The following RIIAD1 variants were observed in gnomAD, a reference collection of about 807,000 sequenced individuals.
RIIAD1 encodes regulatory subunit of type II PKA R-subunit domain containing 1.
A neutral mutation model predicts 13.3 loss-of-function variants in RIIAD1; 15 were observed. That is an observed-to-expected ratio of 1.13 (90% CI 0.76 to 1.74). RIIAD1 has a LOEUF of 1.74. RIIAD1 is among the 40% of genes most tolerant of loss of function. The probability of loss-of-function intolerance (pLI) is 0.00; values close to 1 mark genes in which losing one functional copy is unlikely to be tolerated. For synonymous variants in RIIAD1, 50 were observed against 43.3 expected, an observed-to-expected ratio of 1.16 and a Z score of -0.61; for missense variants, 121 against 112.2, an observed-to-expected ratio of 1.08 and a Z score of -0.35.
intron 4 of RIIAD1, among the ~76,000 whole-genome samples, chr1:151,715,345 T>C (rs1314006851): frequency 1.3e-5 from 2 of 152,028 alleles, no homozygotes; most frequent in African/African-American, 4.8e-5. Flanking sequence ...TCCCACACTT[T>C]CCAGATCTTT....
At chr1:151,721,460 C>T (rs1170490908), upstream of RIIAD1, 2 of 882,722 alleles carry the variant, frequency 2.3e-6, no homozygotes, top group Admixed American at 4.2e-5. Flanking sequence ...GCTGAAGGGG[C>T]CGGGCTTGGG....
upstream of RIIAD1, among the ~76,000 whole-genome samples, chr1:151,720,936 G>A (rs1003607070): frequency 1.4e-4 from 21 of 152,196 alleles, no homozygotes; most frequent in African/African-American, 4.8e-4. Flanking sequence ...GGAGCCCAGG[G>A]TGAAGAGAAA....
chr1:151,722,235 G>C, intron 2 of RIIAD1, 73 bp downstream of exon 2: 1 of 890,604 alleles, frequency 1.1e-6, no homozygotes, highest in Non-Finnish European at 1.8e-6. Context: ...GTTTCCTTCA[G>C]TTATCTCTAA....
chr1:151,726,082 C>T (rs1300967442), intron 2 of RIIAD1, among the ~76,000 whole-genome samples: 1 of 152,182 alleles, frequency 6.6e-6, no homozygotes, highest in African/African-American at 2.4e-5. Context: ...TGGGCCTTTG[C>T]TCTTGCTGTT....
rs186350161 is a variant in RIIAD1 at position 151,728,041 on chromosome 1, C to T, written c.208+420C>T. 2.8e-3 allele frequency among the ~76,000 whole-genome samples: 424 copies of T among 152,232 alleles called. 2 individuals are homozygous for T. The highest frequency in any genetic ancestry group is 0.014 in the Middle Eastern group (4 of 292). On this transcript the variant is annotated intron_variant, in intron 3 of 4. Coordinates refer to ENST00000479191, the MANE Select transcript of RIIAD1 (RefSeq NM_001144956.3). ...CCCAGCATACATAGCTTTAAAGACT[C>T]CCCAGGTGATTCTAATGGACTGGCT... is the stretch of plus-strand genomic sequence containing the variant.
intron 2 of RIIAD1, among the ~76,000 whole-genome samples, chr1:151,727,299 C>T (rs1028046004): frequency 2.6e-5 from 4 of 152,144 alleles, no homozygotes; most frequent in Non-Finnish European, 2.9e-5. Context: ...AGATTGTTGA[C>T]GGAATGACAA....
At chr1:151,715,875 C>T in intron 4 of RIIAD1, 1 of 1,612,804 alleles carries the variant, frequency 6.2e-7, no homozygotes, top group Non-Finnish European at 8.5e-7. Context: ...CGACCCCTCA[C>T]CCTTGTGCAG....
In RIIAD1 at chr1:151,724,976, A is replaced by AT. The variant is rs879286538; in HGVS notation, c.162-2586dup. On this transcript the variant is annotated intron_variant, in intron 2 of 4. Transcript: ENST00000479191. Reference sequence around the variant, plus strand: ...CACCACGCCCGGCTAATTATTTTGCATTTTTTTTTTTTTAGTAGAGACGGG... The same window carrying AT: ...CACCACGCCCGGCTAATTATTTTGCATTTTTTTTTTTTTTAGTAGAGACGGG... Among the ~76,000 whole-genome samples, 294 of 137,812 alleles carry AT rather than the reference A, an allele frequency of 2.1e-3. 2 individuals carry two copies. The highest frequency in any genetic ancestry group is 0.018 in the South Asian group (79 of 4,352). The allele number at this position is 137,812 out of a possible 152,430, so 90.4% of individuals were successfully genotyped here.
chr1:151,727,565 T>C lies in RIIAD1; in HGVS notation c.162-10T>C, dbSNP rs1673854504. 1.3e-6 allele frequency: 2 copies of C among 1,541,230 alleles called. No individual in the cohort carries two copies. Among genetic ancestry groups the C allele is most frequent in the Non-Finnish European group, 1.8e-6 (2 of 1,137,498 alleles). On this transcript the variant is annotated splice_polypyrimidine_tract_variant and intron_variant, in intron 2 of 4. Coordinates refer to ENST00000479191, the MANE Select transcript of RIIAD1 (RefSeq NM_001144956.3). ...CTTTACCTCCCATCCTATCCCTTAA[T>C]GTTTTCCAGAGAAATATTTTTGAAA...
intron 3 of RIIAD1, 25 bp from the exon 4 acceptor site, chr1:151,728,741 G>C (rs1169541490): frequency 7.2e-7 from 1 of 1,382,332 alleles, no homozygotes; most frequent in Non-Finnish European, 1.0e-6. Flanking sequence ...TATAGATGAT[G>C]TCTTCTTTTT....
intron 3 of RIIAD1, 111 bp downstream of exon 3, chr1:151,727,732 T>G: frequency 1.4e-6 from 1 of 734,320 alleles, no homozygotes; most frequent in Non-Finnish European, 2.4e-6. Context: ...GGGGTACTCC[T>G]TCACCTGATG....
upstream of RIIAD1, among the ~76,000 whole-genome samples, chr1:151,720,348 C>CA (rs1553274187): frequency 4.9e-3 from 9 of 1,846 alleles, no homozygotes; most frequent in Non-Finnish European, 6.9e-3. Flanking sequence ...TTGCTCCTGC[C>CA]GGGAAAAAAA....
chr1:151,719,676 C>T (rs1249494235), upstream of RIIAD1: 7 of 702,836 alleles, frequency 1.0e-5, no homozygotes, highest in Admixed American at 8.0e-5. Context: ...GTGGCTTCCA[C>T]CTCAAGTGGA....
At chr1:151,716,852 T>A (rs1048875148), upstream of RIIAD1, 4 of 440,148 alleles carry the variant, frequency 9.1e-6, no homozygotes, top group South Asian at 4.8e-5. Flanking sequence ...TCCCCTGACA[T>A]CAGTGATGTC....
intron 3 of RIIAD1, among the ~76,000 whole-genome samples, chr1:151,728,047 G>C (rs59527020): frequency 0.21 from 31,917 of 152,124 alleles, 3,569 homozygotes; most frequent in Middle Eastern, 0.31. Context: ...GACTCCCCAG[G>C]TGATTCTAAT....
Position 151,722,157 on chromosome 1 carries a change from C to T in RIIAD1, c.156C>T (p.Phe52=), listed in dbSNP as rs1419926148. The T allele has an allele frequency of 6.5e-7, 1 of 1,548,784 alleles. No individual in the cohort carries two copies. The change falls in exon 2 of 5, where the codon TTC becomes TTT. Residue 52 remains phenylalanine, a synonymous_variant. Transcript: ENST00000479191. The part of the protein sequence containing the change: ...HKEVEWLISG[F]FREIFLKRPD... Reference sequence around the variant, plus strand: ...AAGTAGAGTGGCTCATAAGTGGTTTCTTCAGGTAGGTGGTTTTCCAGGCTC... The same window carrying T: ...AAGTAGAGTGGCTCATAAGTGGTTTTTTCAGGTAGGTGGTTTTCCAGGCTC...
At chr1:151,715,586 C>T (rs1187406609) in intron 4 of RIIAD1, 1 of 1,402,804 alleles carries the variant, frequency 7.1e-7, no homozygotes, top group East Asian at 3.5e-5. Context: ...TCCCTCCATT[C>T]TTTCTTGAGT....
chr1:151,711,625 G>T (rs1464588744), intron 1 of RIIAD1, among the ~76,000 whole-genome samples: 1 of 152,228 alleles, frequency 6.6e-6, no homozygotes, highest in African/African-American at 2.4e-5. Context: ...AAAGCGTGTC[G>T]TGGGGGCAGA....
At chr1:151,724,439 C>T (rs1199387184) in intron 2 of RIIAD1, among the ~76,000 whole-genome samples, 1 of 152,234 alleles carries the variant, frequency 6.6e-6, no homozygotes, top group Non-Finnish European at 1.5e-5. Context: ...GGCCACCTCA[C>T]ATGGTCCTTC....
Sources: gnomAD v4.1 joint callset for allele counts (sites outside exome capture counted in the v4.1 genomes callset) on GRCh38, gnomAD v4.1.1 for gene constraint, MANE v1.5 for transcripts, NCBI Gene and HGNC (gene_info 2026-07-23, HGNC 2026-07-21) for gene names.